Variants in DLGAP1 observed in about 807,000 individuals in gnomAD.
DLGAP1 encodes disks large-associated protein 1.
A neutral mutation model predicts 90.8 loss-of-function variants in DLGAP1; 11 were observed. The ratio of observed to expected loss-of-function variants is 0.12; its 90% CI spans 0.08 to 0.20. DLGAP1 has a LOEUF of 0.20. DLGAP1 is among the 10% of genes least tolerant of loss of function. DLGAP1 has a pLI of 1.00. For missense variants in DLGAP1, 1,050 were observed against 1,333.8 expected (o/e 0.79, Z 3.31); for synonymous variants, 558 against 540.7 (o/e 1.03, Z -0.44).
intron 1 of DLGAP1, among the ~76,000 whole-genome samples, chr18:4,250,072 G>A (rs978662849): frequency 3.3e-5 from 5 of 152,112 alleles, no homozygotes; most frequent in Non-Finnish European, 5.9e-5. Context: ...TAAGCAAATC[G>A]CACTTCGGAG....
At chr18:3,524,670 C>T (rs576944759) in intron 10 of DLGAP1, among the ~76,000 whole-genome samples, 1 of 152,062 alleles carries the variant, frequency 6.6e-6, no homozygotes, top group Admixed American at 6.5e-5. Flanking sequence ...ATCGCTTGAA[C>T]CTAGGAGTTC....
At chr18:3,912,893 C>T (rs1053155741) in intron 3 of DLGAP1, among the ~76,000 whole-genome samples, 2 of 151,964 alleles carry the variant, frequency 1.3e-5, no homozygotes, top group African/African-American at 4.8e-5. Flanking sequence ...TGGTGGGAAG[C>T]CAAGCTGGGG....
chr18:3,586,230 CTGAA>C (rs2055875301), intron 7 of DLGAP1, among the ~76,000 whole-genome samples: 1 of 152,080 alleles, frequency 6.6e-6, no homozygotes, highest in Non-Finnish European at 1.5e-5. Context: ...AATAAGGGAG[CTGAA>C]TGGAGGGCAG....
chr18:4,081,953 A>G (rs1367308184), intron 2 of DLGAP1, among the ~76,000 whole-genome samples: 2 of 151,986 alleles, frequency 1.3e-5, no homozygotes, highest in Non-Finnish European at 2.9e-5. Context: ...CACACCTGTA[A>G]TCCCAGCACT....
intron 7 of DLGAP1, among the ~76,000 whole-genome samples, chr18:3,629,585 T>C (rs967716702): frequency 6.6e-6 from 1 of 151,762 alleles, no homozygotes; most frequent in African/African-American, 2.4e-5. Flanking sequence ...GGCAGGAGAA[T>C]GGCGTGAACC....
intron 1 of DLGAP1, among the ~76,000 whole-genome samples, chr18:4,297,160 T>C (rs2080003801): frequency 6.6e-6 from 1 of 152,190 alleles, no homozygotes. Context: ...ATAAGGAAGA[T>C]ATGCCAATTT....
chr18:4,193,134 T>C (rs905114370), intron 1 of DLGAP1, among the ~76,000 whole-genome samples: 1 of 152,190 alleles, frequency 6.6e-6, no homozygotes, highest in African/African-American at 2.4e-5. Flanking sequence ...TGCATTGGTA[T>C]AGTCCATGAG....
chr18:3,759,493 AAT>A (rs1568084165), intron 5 of DLGAP1, among the ~76,000 whole-genome samples: 1 of 152,242 alleles, frequency 6.6e-6, no homozygotes, highest in African/African-American at 2.4e-5. Flanking sequence ...CAGCGTGCCA[AAT>A]ATGTTTATCC....
rs2073543735 is a variant in DLGAP1 at position 3,975,167 on chromosome 18, G to A, written c.-73+29949C>T. 2.0e-5 allele frequency among the ~76,000 whole-genome samples: 3 copies of A among 151,902 alleles called. No individual in the cohort carries two copies. In the South Asian group the frequency reaches 6.2e-4, roughly 32 times the overall value. On this transcript the variant is annotated intron_variant, in intron 3 of 12. Coordinates refer to ENST00000315677, the MANE Select transcript of DLGAP1 (RefSeq NM_004746.4). ...TGTACACTCAAAGAAAGTAAGGATG[G>A]TTACTTTTATGTGTTTTTTAATTAC...
At chr18:4,369,842 CG>C (rs1158544018) in intron 1 of DLGAP1, among the ~76,000 whole-genome samples, 1 of 122,310 alleles carries the variant, frequency 8.2e-6, no homozygotes, top group Non-Finnish European at 1.7e-5. Context: ...AAAAAAAAGG[CG>C]GGGGGAAGAA....
At chr18:3,990,057 T>C (rs1301449274) in intron 3 of DLGAP1, among the ~76,000 whole-genome samples, 4 of 152,030 alleles carry the variant, frequency 2.6e-5, no homozygotes, top group Admixed American at 1.3e-4. Context: ...AGTTCAACCA[T>C]TGTGGAAGTC....
At chr18:4,417,449 T>C (rs2082925137) in intron 1 of DLGAP1, among the ~76,000 whole-genome samples, 1 of 152,130 alleles carries the variant, frequency 6.6e-6, no homozygotes, top group South Asian at 2.1e-4. Flanking sequence ...TGTAAACAGG[T>C]CCTGAGACAG....
intron 1 of DLGAP1, among the ~76,000 whole-genome samples, chr18:4,409,517 T>C (rs143347761): frequency 0.012 from 1,839 of 152,300 alleles, 46 homozygotes; most frequent in African/African-American, 0.042. Flanking sequence ...GTGAGGGATA[T>C]AAAATTAATA....
intron 1 of DLGAP1, among the ~76,000 whole-genome samples, chr18:4,376,044 AAGG>A (rs1210710859): frequency 3.9e-5 from 6 of 152,162 alleles, no homozygotes; most frequent in East Asian, 1.9e-4. Context: ...TAGATTATAC[AAGG>A]AGAAGAACCT....
intron 1 of DLGAP1, among the ~76,000 whole-genome samples, chr18:4,357,170 T>TTTTTG (rs1461496012): frequency 0.016 from 2,348 of 145,038 alleles, 39 homozygotes; most frequent in African/African-American, 0.031. Context: ...TTTTTTTTTT[T>TTTTTG]TTTTTGACAG....
intron 1 of DLGAP1, among the ~76,000 whole-genome samples, chr18:4,205,922 G>C (rs980694927): frequency 3.3e-5 from 5 of 152,196 alleles, no homozygotes; most frequent in Admixed American, 6.5e-5. Flanking sequence ...GGATGGGCGT[G>C]GGGGTAGAGG....
At chr18:4,274,149 G>T (rs1007880108) in intron 1 of DLGAP1, among the ~76,000 whole-genome samples, 1 of 151,258 alleles carries the variant, frequency 6.6e-6, no homozygotes. Flanking sequence ...AAGCCCTTAC[G>T]GTTATAACTT....
intron 7 of DLGAP1, among the ~76,000 whole-genome samples, chr18:3,595,346 C>CTGAGGTCTAAAACTTCTAA (rs2056519615): frequency 6.6e-6 from 1 of 152,202 alleles, no homozygotes; most frequent in Non-Finnish European, 1.5e-5. Flanking sequence ...GGGCCAGAGG[C>CTGAGGTCTAAAACTTCTAA]TGAGGTCTAA....
intron 1 of DLGAP1, among the ~76,000 whole-genome samples, chr18:4,323,509 C>G (rs75108137): frequency 0.024 from 3,643 of 152,198 alleles, 150 homozygotes; most frequent in African/African-American, 0.083. Context: ...TTGTTCACAA[C>G]AGCTAAGGTA....
Sources: gnomAD v4.1 joint callset for allele counts (sites outside exome capture counted in the v4.1 genomes callset) on GRCh38, gnomAD v4.1.1 for gene constraint, MANE v1.5 for transcripts, NCBI Gene and HGNC (gene_info 2026-07-23, HGNC 2026-07-21) for gene names.